Variants in ICAM3 observed in about 807,000 individuals in gnomAD.
ICAM3 encodes the protein ICAM-3.
A neutral mutation model predicts 43.6 loss-of-function variants in ICAM3; 54 were observed. That is an observed-to-expected ratio of 1.24 (90% confidence interval 0.99 to 1.55). The LOEUF (loss-of-function observed/expected upper bound fraction) is 1.55. ICAM3 is among the 40% of genes most tolerant of loss of function. ICAM3 has a pLI of 0.00. For missense variants in ICAM3, 715 were observed against 717.9 expected (o/e 1.00, Z 0.05); for synonymous variants, 306 against 312.6 (o/e 0.98, Z 0.22).
At position 10,338,934 on chromosome 19, in the gene ICAM3, C is replaced by T; in HGVS notation, c.91G>A (p.Glu31Lys). ...CLLTPGVQGQEFLLRVEPQNP... is the reference protein window; with the variant it reads ...CLLTPGVQGQKFLLRVEPQNP... ...TGGGGCTCCACCCGCAAAAGGAACT[C>T]CTGCCCCTGGACACCTTCAGGAACA... Residue 31 changes from glutamate (E) to lysine (K), a missense_variant, in exon 2 of 7, where the codon GAG (glutamate) becomes AAG (lysine). Transcript: ENST00000160262. 1.2e-6 allele frequency: 2 copies of T among 1,613,970 alleles called. No homozygotes were observed. Among genetic ancestry groups the T allele is most frequent in the Non-Finnish European group, 1.7e-6 (2 of 1,180,000 alleles).
intron 2 of ICAM3, 28 bp from the exon 3 acceptor site, chr19:10,336,004 A>G (rs1327292876): frequency 6.6e-7 from 1 of 1,509,734 alleles, no homozygotes; most frequent in East Asian, 2.4e-5. Flanking sequence ...GATGGCACTT[A>G]GCGGGTCCTG....
chr19:10,338,228 A>T (rs1448065853), intron 2 of ICAM3, among the ~76,000 whole-genome samples: 1 of 152,040 alleles, frequency 6.6e-6, no homozygotes, highest in African/African-American at 2.4e-5. Flanking sequence ...ACATGGTGAA[A>T]TGCCATCTCA....
chr19:10,335,999 C>A, intron 2 of ICAM3, 23 bp from the exon 3 acceptor site: 1 of 1,516,956 alleles, frequency 6.6e-7, no homozygotes, highest in Non-Finnish European at 8.8e-7. Context: ...GGGAGGATGG[C>A]ACTTAGCGGG....
In ICAM3 at chr19:10,335,754, G is replaced by A. The variant is rs765324270; in HGVS notation, c.566C>T (p.Ser189Leu). The change falls in exon 3 of 7, where the codon TCA (serine) becomes TTA (leucine). Residue 189 changes from serine (S) to leucine (L), a missense_variant. Coordinates refer to ENST00000160262, the MANE Select transcript of ICAM3 (RefSeq NM_002162.5). ...CTGCATGTCCAGTTCTGTGCGGCAT[G>A]AGAAAGGGGCTCCGTGGTCGTCTCT... Reference protein sequence around the residue: ...ASRDDHGAPFSCRTELDMQPQ... With the variant: ...ASRDDHGAPFLCRTELDMQPQ... The A allele has an allele frequency of 6.2e-7, 1 of 1,612,316 alleles. No individual in the cohort carries two copies. The highest frequency in any genetic ancestry group is 8.5e-7 in the Non-Finnish European group (1 of 1,179,620).
intron 2 of ICAM3, among the ~76,000 whole-genome samples, chr19:10,336,489 C>A (rs2040599199): frequency 6.6e-6 from 1 of 152,014 alleles, no homozygotes; most frequent in East Asian, 1.9e-4. Context: ...AGGCTGGGTG[C>A]CCTCCCCAGT....
chr19:10,337,661 T>C (rs2040613376), intron 2 of ICAM3, among the ~76,000 whole-genome samples: 1 of 152,178 alleles, frequency 6.6e-6, no homozygotes, highest in African/African-American at 2.4e-5. Context: ...TCTTGCTTTT[T>C]TGCACAGGCT....
chr19:10,336,230 A>C, intron 2 of ICAM3: 1 of 505,092 alleles, frequency 2.0e-6, no homozygotes, highest in Non-Finnish European at 3.5e-6. Flanking sequence ...ACAATAAAAA[A>C]AAATGAGGAT....
In ICAM3 at chr19:10,339,566, G is replaced by A. The variant is rs2040634935; in HGVS notation, c.49C>T (p.Leu17=). ...GGGGTCAGCAGACAGCAGACCAGCA[G>A]AGTCCAGCAGGCCCTGGGCCACAAC... ...SVLWPRACWT[L]LVCCLLTPGV... The change falls in exon 1 of 7, where the codon CTG becomes TTG. Residue 17 remains leucine, a synonymous_variant. Transcript: ENST00000160262. 5.0e-6 allele frequency: 8 copies of A among 1,614,096 alleles called. No homozygotes were observed. Among genetic ancestry groups the A allele is most frequent in the African/African-American group, 1.3e-5 (1 of 75,062 alleles).
In ICAM3 at chr19:10,334,080, G is replaced by A. The variant is rs1285869101; in HGVS notation, c.1442-21C>T. ...CCCAGCTGTGCAGAGAAAGCGCTAA[G>A]TCAATATGCGTCCCTTCTGTCTCCA... On this transcript the variant is annotated intron_variant, in intron 6 of 6. Coordinates refer to ENST00000160262, the MANE Select transcript of ICAM3 (RefSeq NM_002162.5). The surrounding 1 kb of genome is among the most constrained non-coding windows in gnomAD (Gnocchi z 5.5). The A allele has an allele frequency of 5.6e-6, 9 of 1,612,662 alleles. No homozygotes were observed. The highest frequency in any genetic ancestry group is 4.5e-5 in the East Asian group (2 of 44,842).
At position 10,334,858 on chromosome 19, in the gene ICAM3, C is replaced by G. The variant is rs1007048795; in HGVS notation, c.938-76G>C. 6.6e-7 allele frequency: 1 copy of G among 1,505,496 alleles called. No individual in the cohort carries two copies. The highest frequency in any genetic ancestry group is 8.9e-7 in the Non-Finnish European group (1 of 1,123,002). 93.3% of individuals were successfully genotyped at this position (1,505,496 alleles called of 1,614,324 possible). A position where few individuals can be genotyped will look rare whatever the true frequency, so the allele number is the denominator to read the frequency against. ...GTCAAGCCGCTCCCTCCGCCCTCCC[C>G]TTTCCTCTCGGGATATCCGGGCCAC... On this transcript the variant is annotated intron_variant, in intron 4 of 6. Transcript: ENST00000160262. This position sits in a 1 kb window ranked among gnomAD's most constrained non-coding sequence, Gnocchi z 5.5.
At chr19:10,335,599 G>A in intron 3 of ICAM3, 72 bp downstream of exon 3, 1 of 1,439,422 alleles carries the variant, frequency 6.9e-7, no homozygotes, top group South Asian at 1.3e-5. Flanking sequence ...CCCACTCTCA[G>A]GAACCCCAAG....
chr19:10,335,067 A>C lies in ICAM3; in HGVS notation c.936T>G (p.Phe312Leu). The C allele has an allele frequency of 1.2e-6, 2 of 1,611,460 alleles. No individual in the cohort carries two copies. Among genetic ancestry groups the C allele is most frequent in the Non-Finnish European group, 1.7e-6 (2 of 1,178,582 alleles). Residue 312 changes from phenylalanine (F) to leucine (L), a missense_variant and splice_region_variant, in exon 4 of 7, where the codon TTT becomes TTG. By Grantham distance (22) the Phe-to-Leu change is conservative. Coordinates refer to ENST00000160262, the MANE Select transcript of ICAM3 (RefSeq NM_002162.5). ...RREARENLTVFSFLGPIVNLS... is the reference protein window; with the variant it reads ...RREARENLTVLSFLGPIVNLS... ...CCCCCTTCCCACGCCTCCTCTTACT[A>C]AAGACCGTCAAGTTCTCCCGGGCCT...
chr19:10,337,786 G>C (rs552304165), intron 2 of ICAM3, among the ~76,000 whole-genome samples: 1 of 152,256 alleles, frequency 6.6e-6, no homozygotes, highest in South Asian at 2.1e-4. Context: ...ACCATGCCCA[G>C]CTAATATTTT....
At chr19:10,339,072 CA>C in intron 1 of ICAM3, 124 bp from the exon 2 acceptor site, 1 of 1,054,950 alleles carries the variant, frequency 9.5e-7, no homozygotes, top group Non-Finnish European at 1.4e-6. Context: ...CTTCATGGTC[CA>C]GTGGGAAAGG....
At position 10,334,412 on chromosome 19, in the gene ICAM3, T is replaced by G. The variant is rs540019072; in HGVS notation, c.1193-4A>C. 107 of 1,614,020 alleles carry G rather than the reference T, an allele frequency of 6.6e-5. 1 individual carries two copies. The East Asian group carries it at 1.6e-3, about 25-fold the overall frequency. ...GCTCGGTCAATTTTGGGACCATCTG[T>G]GGAACCACCATGTGTGATCAGACAC... On this transcript the variant is annotated splice_polypyrimidine_tract_variant and splice_region_variant and intron_variant, in intron 5 of 6. Transcript: ENST00000160262. The surrounding 1 kb of genome is among the most constrained non-coding windows in gnomAD (Gnocchi z 5.5).
intron 1 of ICAM3, 78 bp downstream of exon 1, chr19:10,339,461 T>C (rs995554178): frequency 4.1e-6 from 5 of 1,212,700 alleles, no homozygotes; most frequent in Non-Finnish European, 6.0e-6. Flanking sequence ...GTGAACAGCG[T>C]TGCGTTCTAT....
Position 10,334,175 on chromosome 19 carries a change from C to T in ICAM3, c.1426G>A (p.Val476Met). Reference sequence around the variant, plus strand: ...GTTAGCTCACCCTCAATGTCCATCACCACGACCAGGGTGTATTTGCCTCGT... The same window carrying T: ...GTTAGCTCACCCTCAATGTCCATCATCACGACCAGGGTGTATTTGCCTCGT... ...SSRGKYTLVVVMDIEAGSSHF... is the reference protein window; with the variant it reads ...SSRGKYTLVVMMDIEAGSSHF... The change falls in exon 6 of 7, where the codon GTG (valine) becomes ATG (methionine). Residue 476 changes from valine to methionine, a missense_variant. By Grantham distance (21) the Val-to-Met change is conservative. Coordinates refer to ENST00000160262, the MANE Select transcript of ICAM3 (RefSeq NM_002162.5). This position sits in a 1 kb window ranked among gnomAD's most constrained non-coding sequence, Gnocchi z 5.5. 6.2e-7 allele frequency: 1 copy of T among 1,613,898 alleles called. No homozygotes were observed.
In ICAM3 at chr19:10,338,785, C is replaced by G. The variant is rs1490136070; in HGVS notation, c.240G>C (p.Trp80Cys). Residue 80 changes from tryptophan (W) to cysteine (C), a missense_variant, in exon 2 of 7, where the codon TGG becomes TGC. Physicochemically the swap from Trp to Cys is radical, Grantham distance 215. Transcript: ENST00000160262. ...TCACGTTGCTGAGATTGAAGGCTGC[C>G]CAGCCCATGCCACTGGCCACCAGCT... ...SKELVASGMG[W>C]AAFNLSNVTG... 1 of 1,614,040 alleles carries G rather than the reference C, an allele frequency of 6.2e-7. No homozygotes were observed. The highest frequency in any genetic ancestry group is 8.5e-7 in the Non-Finnish European group (1 of 1,180,032).
rs1363287157 is a variant in ICAM3, at chr19:10,335,348, G to T, written c.655C>A (p.Pro219Thr). The T allele has an allele frequency of 1.2e-6, 2 of 1,603,022 alleles. No individual in the cohort carries two copies. Among genetic ancestry groups the T allele is most frequent in the South Asian group, 1.1e-5 (1 of 90,678 alleles). Residue 219 changes from proline to threonine, a missense_variant, in exon 4 of 7, where the codon CCC becomes ACC. Physicochemically the swap from Pro to Thr is conservative, Grantham distance 38. Transcript: ENST00000160262. ...GCCACGAGGCGCGGGGGGGTCACGG[G>T]CAGGACTGGGGAGAAAGGTGGGCAT... ...APRQLRTFVL[P>T]VTPPRLVAPR...
Sources: gnomAD v4.1 joint callset for allele counts (sites outside exome capture counted in the v4.1 genomes callset) on GRCh38, gnomAD v4.1.1 for gene constraint, Gnocchi (gnomAD v3.1) non-coding constraint, MANE v1.5 for transcripts, NCBI Gene and HGNC (gene_info 2026-07-23, HGNC 2026-07-21) for gene names.